The following ATRX variants were observed in gnomAD, a reference collection of about 807,000 sequenced individuals.
ATRX encodes the protein ATRX chromatin remodeler.
A neutral mutation model predicts 172.6 loss-of-function variants in ATRX; 12 were observed. The ratio of observed to expected loss-of-function variants is 0.07; its 90% CI spans 0.04 to 0.11. The LOEUF (loss-of-function observed/expected upper bound fraction) is 0.11, where lower values mean the gene tolerates loss of function less well. Ranked by LOEUF, ATRX falls within the 10% of genes least tolerant of loss-of-function variation. The pLI is 1.00. For missense variants in ATRX, 1,368 were observed against 1,767.4 expected (o/e 0.77, Z 4.05); for synonymous variants, 674 against 594.7 (o/e 1.13, Z -1.94).
intron 10 of ATRX, among the ~76,000 whole-genome samples, chrX:77,667,641 C>T (rs1177021794): frequency 1.8e-5 from 2 of 111,495 alleles, no homozygotes; most frequent in South Asian, 3.7e-4. Flanking sequence ...TACTAAAAAA[C>T]GGAAAGTCAC....
chrX:77,546,405 A>G (rs782772187), intron 30 of ATRX, among the ~76,000 whole-genome samples: 2 of 111,626 alleles, frequency 1.8e-5, no homozygotes, highest in South Asian at 7.6e-4. Context: ...CCTTGTACAC[A>G]CAAGAGTGGT....
chrX:77,749,994 C>A (rs2075239239), intron 1 of ATRX, among the ~76,000 whole-genome samples: 1 of 111,107 alleles, frequency 9.0e-6, no homozygotes. Context: ...TAGCTTCATG[C>A]TGCATTACAA....
intron 28 of ATRX, among the ~76,000 whole-genome samples, chrX:77,559,449 C>CTT (rs782028709): frequency 7.2e-5 from 3 of 41,681 alleles, no homozygotes; most frequent in East Asian, 1.1e-3. Flanking sequence ...CTTTCTTTCC[C>CTT]TTTTTTTTTT....
chrX:77,536,521 A>C (rs1222923550), intron 30 of ATRX, among the ~76,000 whole-genome samples: 1 of 111,807 alleles, frequency 8.9e-6, no homozygotes, highest in African/African-American at 3.3e-5. Context: ...AGTCAACCTA[A>C]CCAATATAGT....
In ATRX at chrX:77,547,957, A is replaced by G. The variant is rs144234120; in HGVS notation, c.6699+9494T>C. 8.1e-3 allele frequency among the ~76,000 whole-genome samples: 911 copies of G among 112,132 alleles called. 13 individuals carry two copies. Among genetic ancestry groups the G allele is most frequent in the African/African-American group, 0.028 (875 of 30,925 alleles). On this transcript the variant is annotated intron_variant, in intron 30 of 34. Transcript: ENST00000373344. ...AGTATTTCAGAGAAATGAACCTACT[A>G]TAATGGTAATATTAATAACAATTAT...
chrX:77,703,910 T>C (rs2072672220), intron 2 of ATRX, among the ~76,000 whole-genome samples: 1 of 110,799 alleles, frequency 9.0e-6, no homozygotes, highest in African/African-American at 3.3e-5. Flanking sequence ...AAGTCATTAC[T>C]ACAAGTGTTC....
chrX:77,740,824 A>T (rs2148846158), intron 1 of ATRX, among the ~76,000 whole-genome samples: 1 of 110,893 alleles, frequency 9.0e-6, no homozygotes, highest in South Asian at 3.9e-4. Context: ...AAATTAAAAC[A>T]AAGAAACTAG....
intron 22 of ATRX, among the ~76,000 whole-genome samples, chrX:77,612,076 C>A (rs2148219570): frequency 9.0e-6 from 1 of 111,383 alleles, no homozygotes; most frequent in East Asian, 2.8e-4. Context: ...ATTTCAGTGT[C>A]ATTTCTCCAT....
In ATRX at chrX:77,751,962, TTTG is replaced by T. The variant is rs782203585; in HGVS notation, c.20+34017_20+34019del. 4.4e-3 allele frequency among the ~76,000 whole-genome samples: 497 copies of T among 111,921 alleles called. 5 individuals carry two copies. Among genetic ancestry groups the T allele is most frequent in the African/African-American group, 0.015 (466 of 30,840 alleles). ...GGTCAGGTAGCAGGATGCCTCCAGC[TTTG>T]TTCTTTTTGCTTAGGATTGTTTTGG... On this transcript the variant is annotated intron_variant, in intron 1 of 34. Coordinates refer to ENST00000373344, the MANE Select transcript of ATRX (RefSeq NM_000489.6).
chrX:77,744,112 T>G (rs2074977912), intron 1 of ATRX, among the ~76,000 whole-genome samples: 1 of 111,881 alleles, frequency 8.9e-6, no homozygotes, highest in Non-Finnish European at 1.9e-5. Context: ...GACCAGGAGT[T>G]CAAGACCAGC....
intron 2 of ATRX, among the ~76,000 whole-genome samples, chrX:77,702,752 A>T (rs1292692263): frequency 9.0e-6 from 1 of 111,618 alleles, no homozygotes. Flanking sequence ...CTAGGGACAG[A>T]GTCTCACCCT....
chrX:77,599,288 C>A, intron 25 of ATRX, 123 bp downstream of exon 25: 2 of 752,804 alleles, frequency 2.7e-6, no homozygotes, highest in Middle Eastern at 6.3e-4. Flanking sequence ...CTTGATTAGA[C>A]TCATCAATTG....
chrX:77,680,585 T>C (rs1331638136), intron 9 of ATRX, among the ~76,000 whole-genome samples: 1 of 111,201 alleles, frequency 9.0e-6, no homozygotes, highest in Non-Finnish European at 1.9e-5. Context: ...ATTAATTCCA[T>C]TAAAATCCAA....
At chrX:77,551,000 T>C (rs2064479442) in intron 30 of ATRX, among the ~76,000 whole-genome samples, 1 of 111,708 alleles carries the variant, frequency 9.0e-6, no homozygotes, top group Admixed American at 9.5e-5. Context: ...TCCATGCTCA[T>C]GGATAGGAAG....
chrX:77,678,059 T>G (rs1176721088), intron 9 of ATRX, among the ~76,000 whole-genome samples: 1 of 110,145 alleles, frequency 9.1e-6, no homozygotes, highest in African/African-American at 3.3e-5. Flanking sequence ...ATACAAAAAT[T>G]AGCCAATGTG....
chrX:77,517,457 C>T (rs2063092947), intron 34 of ATRX, among the ~76,000 whole-genome samples: 1 of 111,649 alleles, frequency 9.0e-6, no homozygotes, highest in South Asian at 3.7e-4. Context: ...ATACAATCTA[C>T]CAAGATTGAA....
intron 34 of ATRX, among the ~76,000 whole-genome samples, chrX:77,519,750 T>C (rs2063167435): frequency 9.0e-6 from 1 of 111,033 alleles, no homozygotes; most frequent in Admixed American, 9.6e-5. Flanking sequence ...GGTTTGGAGG[T>C]TCCTCAGAAA....
intron 1 of ATRX, among the ~76,000 whole-genome samples, chrX:77,723,284 C>T (rs782538275): frequency 1.8e-5 from 2 of 110,976 alleles, no homozygotes; most frequent in African/African-American, 3.3e-5. Context: ...TAGATATTTA[C>T]GCAGAAACAG....
intron 20 of ATRX, among the ~76,000 whole-genome samples, chrX:77,619,671 A>T (rs1336737950): frequency 2.7e-5 from 3 of 111,634 alleles, no homozygotes; most frequent in Non-Finnish European, 5.7e-5. Flanking sequence ...AAACAAACAT[A>T]AAGTATAGGC....
Sources: allele counts gnomAD v4.1 joint callset (sites outside exome capture counted in the v4.1 genomes callset), GRCh38; gene constraint gnomAD v4.1.1; transcripts MANE v1.5; gene names NCBI Gene and HGNC (gene_info 2026-07-23, HGNC 2026-07-21).